TMPRSS15: variants seen among roughly 807,000 people sequenced by gnomAD.
TMPRSS15 encodes enteropeptidase.
A neutral mutation model predicts 125.3 loss-of-function variants in TMPRSS15; 128 were observed. The ratio of observed to expected loss-of-function variants is 1.02; its 90% CI spans 0.89 to 1.18. The LOEUF (loss-of-function observed/expected upper bound fraction) is 1.18. TMPRSS15 is among the 50% of genes most tolerant of loss of function. The pLI is 0.00. For synonymous variants in TMPRSS15, 446 were observed against 423.2 expected (o/e 1.05, Z -0.66); for missense variants, 1,283 against 1,212.7 (o/e 1.06, Z -0.86).
chr21:18,275,400 T>C, intron 23 of TMPRSS15, 64 bp from the exon 24 acceptor site: 1 of 1,579,512 alleles, frequency 6.3e-7, no homozygotes, highest in Non-Finnish European at 8.7e-7. Context: ...TTGAATGAAC[T>C]ACCATCAGTC....
intron 1 of TMPRSS15, among the ~76,000 whole-genome samples, chr21:18,400,215 T>C (rs758324714): frequency 1.3e-5 from 2 of 152,018 alleles, no homozygotes; most frequent in Non-Finnish European, 2.9e-5. Flanking sequence ...CATAAAATCA[T>C]AAAAAATGAT....
chr21:18,341,144 C>T (rs2075441382), intron 13 of TMPRSS15, among the ~76,000 whole-genome samples: 1 of 152,184 alleles, frequency 6.6e-6, no homozygotes. Context: ...TCACAACAGC[C>T]TCAATCTCTC....
At chr21:18,387,635 ACACACACACACACACG>A (rs1448624182) in intron 3 of TMPRSS15, among the ~76,000 whole-genome samples, 2 of 151,290 alleles carry the variant, frequency 1.3e-5, no homozygotes, top group African/African-American at 4.9e-5. Flanking sequence ...ACACACACAC[ACACACACACACACACG>A]CACACACACC....
intron 12 of TMPRSS15, 50 bp downstream of exon 12, chr21:18,343,456 G>T: frequency 1.4e-6 from 2 of 1,471,082 alleles, no homozygotes; most frequent in Non-Finnish European, 1.9e-6. Flanking sequence ...AAATATAATT[G>T]TTCCACCACA....
chr21:18,286,918 CAG>C (rs1314055942), intron 21 of TMPRSS15, among the ~76,000 whole-genome samples: 1 of 152,214 alleles, frequency 6.6e-6, no homozygotes, highest in Non-Finnish European at 1.5e-5. Flanking sequence ...CCCAGAGCAT[CAG>C]AGTTTGCTGT....
intron 3 of TMPRSS15, among the ~76,000 whole-genome samples, chr21:18,391,150 G>T (rs1302055182): frequency 6.6e-6 from 1 of 152,088 alleles, no homozygotes; most frequent in Non-Finnish European, 1.5e-5. Flanking sequence ...ATATCATTCT[G>T]CTTCAGGCCC....
chr21:18,337,545 C>G (rs2146978568), intron 13 of TMPRSS15, among the ~76,000 whole-genome samples: 1 of 152,238 alleles, frequency 6.6e-6, no homozygotes, highest in African/African-American at 2.4e-5. Flanking sequence ...CATCACAGAG[C>G]AACAATTGTA....
chr21:18,371,137 C>T (rs1330227161), intron 6 of TMPRSS15, among the ~76,000 whole-genome samples: 1 of 152,136 alleles, frequency 6.6e-6, no homozygotes, highest in Non-Finnish European at 1.5e-5. Flanking sequence ...ATAGTACTGA[C>T]CCCTATATCT....
chr21:18,358,544 A>T (rs1022662372), intron 8 of TMPRSS15, among the ~76,000 whole-genome samples: 1 of 151,886 alleles, frequency 6.6e-6, no homozygotes, highest in Non-Finnish European at 1.5e-5. Context: ...TTAAGAGCAA[A>T]TGTGACTTAC....
intron 1 of TMPRSS15, among the ~76,000 whole-genome samples, chr21:18,434,361 C>A (rs559906588): frequency 1.2e-4 from 18 of 151,956 alleles, no homozygotes; most frequent in Admixed American, 1.1e-3. Flanking sequence ...TGTTACTGTT[C>A]AATTACATAT....
intron 1 of TMPRSS15, among the ~76,000 whole-genome samples, chr21:18,399,524 A>G (rs188269247): frequency 6.6e-6 from 1 of 152,268 alleles, no homozygotes; most frequent in Admixed American, 6.5e-5. Flanking sequence ...ACTACAACAG[A>G]TTAAAGGAGA....
intron 4 of TMPRSS15, among the ~76,000 whole-genome samples, chr21:18,382,236 T>TG (rs1462796061): frequency 1.3e-5 from 2 of 152,082 alleles, no homozygotes; most frequent in African/African-American, 2.4e-5. Flanking sequence ...CATAAGAGGA[T>TG]TAATGTAGAG....
intron 1 of TMPRSS15, among the ~76,000 whole-genome samples, chr21:18,464,194 A>AG (rs1281534961): frequency 6.6e-6 from 1 of 151,344 alleles, no homozygotes; most frequent in East Asian, 1.9e-4. Flanking sequence ...AAAAAAAAAA[A>AG]AAAGTTCTTT....
At chr21:18,344,162 G>A (rs1228107250) in intron 10 of TMPRSS15, 102 bp from the exon 11 acceptor site, 3 of 973,144 alleles carry the variant, frequency 3.1e-6, no homozygotes, top group African/African-American at 3.3e-5. Context: ...AAGAAGAAAG[G>A]TTAAGGAAAT....
intron 23 of TMPRSS15, among the ~76,000 whole-genome samples, chr21:18,278,393 T>G (rs754996490): frequency 2.0e-5 from 3 of 152,084 alleles, no homozygotes; most frequent in Admixed American, 1.3e-4. Context: ...TTATAATATC[T>G]TCTATGCAAT....
chr21:18,438,479 TA>T (rs1004333193), intron 1 of TMPRSS15, among the ~76,000 whole-genome samples: 3 of 151,688 alleles, frequency 2.0e-5, no homozygotes, highest in African/African-American at 4.8e-5. Context: ...AGTATAATAA[TA>T]AAAAAAACAA....
intron 5 of TMPRSS15, among the ~76,000 whole-genome samples, chr21:18,372,721 T>TGTTTCTGTTCAGCTGAACTGAACCTGA (rs2075804282): frequency 6.6e-6 from 1 of 152,240 alleles, no homozygotes; most frequent in South Asian, 2.1e-4. Flanking sequence ...ACCTAATAGC[T>TGTTTCTGTTCAGCTGAACTGAACCTGA]ATTTCTGTTC....
Position 18,441,483 on chromosome 21 carries a change from T to C in TMPRSS15, c.11-43154A>G, listed in dbSNP as rs148182248. Among the ~76,000 whole-genome samples the C allele has an allele frequency of 8.8e-3, 1,320 of 150,450 alleles. 11 individuals carry two copies. Among genetic ancestry groups the C allele is most frequent in the African/African-American group, 0.03 (1,233 of 40,950 alleles). ...TCGCTGGGTGTGGTGGTGTGCACCT[T>C]GTAATCCCAGCTACTCGGGAGGCTG... On this transcript the variant is annotated intron_variant, in intron 1 of 7. Coordinates refer to the TMPRSS15 transcript ENST00000422787.
intron 1 of TMPRSS15, among the ~76,000 whole-genome samples, chr21:18,454,146 G>A (rs1978393600): frequency 6.6e-6 from 1 of 152,026 alleles, no homozygotes; most frequent in Non-Finnish European, 1.5e-5. Context: ...AATTTATAAA[G>A]CTCCACAGAG....
Sources: allele counts gnomAD v4.1 joint callset (sites outside exome capture counted in the v4.1 genomes callset), GRCh38; gene constraint gnomAD v4.1.1; transcripts MANE v1.5; gene names NCBI Gene and HGNC (gene_info 2026-07-23, HGNC 2026-07-21).